The following KLF12 variants were observed in gnomAD, a reference collection of about 807,000 sequenced individuals.
KLF12 encodes KLF transcription factor 12.
In KLF12, 9 loss-of-function variants were observed where a neutral mutation model predicts 37.8. The observed-to-expected ratio is 0.24, with a 90% CI of 0.14 to 0.42. The LOEUF is 0.42. KLF12 is among the 10% of genes least tolerant of loss of function. The pLI is 1.00. For missense variants in KLF12, 411 were observed against 516.0 expected, an observed-to-expected ratio of 0.80 and a Z score of 1.97; for synonymous variants, 208 against 202.1, an observed-to-expected ratio of 1.03 and a Z score of -0.25.
rs1372669285 is a variant in KLF12, at chr13:73,845,874, T to C, written c.623A>G (p.Asn208Ser). ...CTCCAAAAGCGGCACGACAATAGTG[T>C]TGTTCACATTTCCAGGTGACCTTAC... The change falls in exon 4 of 8, where the codon AAC becomes AGC. Residue 208 changes from asparagine to serine, a missense_variant. By Grantham distance (46) the Asn-to-Ser change is conservative (BLOSUM62 1). Around this residue, in one of 2 missense-constraint regions of KLF12, gnomAD observed 351 missense variants for 397.8 expected, o/e 0.88. Transcript: ENST00000377669. 1 of 1,614,180 alleles carries C rather than the reference T, an allele frequency of 6.2e-7. No homozygotes were observed. Among genetic ancestry groups the C allele is most frequent in the African/African-American group, 1.3e-5 (1 of 75,054 alleles).
At chr13:73,842,453 A>C (rs541465564) in intron 4 of KLF12, among the ~76,000 whole-genome samples, 5 of 152,352 alleles carry the variant, frequency 3.3e-5, no homozygotes, top group African/African-American at 1.2e-4. Context: ...GCTTTGCCCA[A>C]CACTGTATCT....
chr13:74,156,471 T>C, the KLF12 span, among the ~76,000 whole-genome samples: 1 of 152,246 alleles, frequency 6.6e-6, no homozygotes, highest in Non-Finnish European at 1.5e-5. Flanking sequence ...ATTTATCCTT[T>C]GAGTTACAAA....
the KLF12 span, among the ~76,000 whole-genome samples, chr13:74,288,034 C>A: frequency 6.7e-6 from 1 of 148,290 alleles, no homozygotes; most frequent in South Asian, 2.2e-4. Flanking sequence ...GCCATGGCAA[C>A]TGTTCTGCTT....
At chr13:73,846,903 T>G (rs758028537) in intron 3 of KLF12, among the ~76,000 whole-genome samples, 4 of 152,196 alleles carry the variant, frequency 2.6e-5, no homozygotes, top group Non-Finnish European at 5.9e-5. Context: ...TAGCTAACTC[T>G]TCTCAAAATA....
chr13:74,264,695 G>C, the KLF12 span, among the ~76,000 whole-genome samples: 1 of 152,040 alleles, frequency 6.6e-6, no homozygotes, highest in African/African-American at 2.4e-5. Flanking sequence ...TTTCAAACTG[G>C]TAACTGAATT....
At chr13:74,129,813 T>G (rs1401947603) in intron 1 of KLF12, among the ~76,000 whole-genome samples, 1 of 152,210 alleles carries the variant, frequency 6.6e-6, no homozygotes, top group Non-Finnish European at 1.5e-5. Context: ...GTAGCCACTT[T>G]ATGACAATAA....
chr13:74,278,361 C>A, the KLF12 span, among the ~76,000 whole-genome samples: 1 of 152,182 alleles, frequency 6.6e-6, no homozygotes, highest in Non-Finnish European at 1.5e-5. Context: ...ATATCTGGCC[C>A]AGTGGAAACT....
chr13:74,059,098 T>A (rs1439347863), intron 1 of KLF12, among the ~76,000 whole-genome samples: 1 of 152,254 alleles, frequency 6.6e-6, no homozygotes, highest in Non-Finnish European at 1.5e-5. Flanking sequence ...GTTTCATCCA[T>A]GTTGCTGCAA....
intron 5 of KLF12, among the ~76,000 whole-genome samples, chr13:73,794,599 T>C (rs149774311): frequency 1.3e-5 from 2 of 152,346 alleles, no homozygotes; most frequent in East Asian, 3.9e-4. Context: ...AGTTCAACCC[T>C]GCCTGTTATC....
intron 1 of KLF12, among the ~76,000 whole-genome samples, chr13:74,130,564 G>A (rs1878203621): frequency 1.3e-5 from 2 of 151,832 alleles, no homozygotes; most frequent in Non-Finnish European, 2.9e-5. Flanking sequence ...GGCTAAGGTG[G>A]GAGGATCCCT....
chr13:73,761,387 C>T (rs118091622), intron 6 of KLF12, among the ~76,000 whole-genome samples: 3,904 of 152,244 alleles, frequency 0.026, 66 homozygotes, highest in Non-Finnish European at 0.039. Flanking sequence ...TGCTCTCCTT[C>T]TTTCTACCAG....
At chr13:73,829,654 A>G (rs1012813733) in intron 4 of KLF12, among the ~76,000 whole-genome samples, 1 of 152,194 alleles carries the variant, frequency 6.6e-6, no homozygotes, top group African/African-American at 2.4e-5. Flanking sequence ...TCTGAAACTT[A>G]CAAATATGCA....
chr13:74,209,165 C>A, the KLF12 span, among the ~76,000 whole-genome samples: 36 of 151,840 alleles, frequency 2.4e-4, no homozygotes, highest in Non-Finnish European at 4.1e-4. Flanking sequence ...GATAATGACA[C>A]AAACTCCATT....
the KLF12 span, among the ~76,000 whole-genome samples, chr13:74,210,781 A>G: frequency 2.6e-5 from 4 of 152,090 alleles, no homozygotes; most frequent in Non-Finnish European, 5.9e-5. Flanking sequence ...CCTGTAATAA[A>G]TTATTTCTAT....
chr13:74,043,534 C>T (rs17311314), intron 1 of KLF12, among the ~76,000 whole-genome samples: 10,779 of 152,130 alleles, frequency 0.071, 510 homozygotes, highest in Non-Finnish European at 0.1. Flanking sequence ...TTTGATATTT[C>T]GCTAAAATGT....
chr13:73,936,918 G>A (rs749731799), intron 3 of KLF12, among the ~76,000 whole-genome samples: 19 of 152,140 alleles, frequency 1.2e-4, no homozygotes, highest in Non-Finnish European at 2.5e-4. Flanking sequence ...TTGGCCAGGC[G>A]CAGTGGCTCA....
chr13:73,993,931 C>G (rs1339898853), intron 2 of KLF12, among the ~76,000 whole-genome samples: 1 of 152,174 alleles, frequency 6.6e-6, no homozygotes, highest in Non-Finnish European at 1.5e-5. Flanking sequence ...GTCCACAGTA[C>G]AGTTAATCCT....
intron 5 of KLF12, among the ~76,000 whole-genome samples, chr13:73,784,428 G>A (rs940225103): frequency 5.3e-5 from 8 of 151,782 alleles, no homozygotes; most frequent in African/African-American, 1.5e-4. Context: ...TTTTGTCGTC[G>A]TTTTCTCTCT....
chr13:74,037,866 C>A, intron 1 of KLF12, among the ~76,000 whole-genome samples: 1 of 152,162 alleles, frequency 6.6e-6, no homozygotes, highest in East Asian at 1.9e-4. Context: ...TATAGTTCTT[C>A]ATGCCATAGT....
Sources: gnomAD v4.1 joint callset for allele counts (sites outside exome capture counted in the v4.1 genomes callset) on GRCh38, gnomAD v4.1.1 for gene constraint, gnomAD v4.1.1 regional missense constraint, MANE v1.5 for transcripts, NCBI Gene and HGNC (gene_info 2026-07-23, HGNC 2026-07-21) for gene names.